Variants in TASOR2 observed in about 807,000 individuals in gnomAD.
The protein encoded by TASOR2 is transcription activation suppressor family member 2.
A neutral mutation model predicts 199.5 loss-of-function variants in TASOR2; 84 were observed. The ratio of observed to expected loss-of-function variants is 0.42; its 90% confidence interval spans 0.35 to 0.50. TASOR2 has a LOEUF of 0.50. TASOR2 is among the 20% of genes least tolerant of loss of function. The pLI is 0.02. For missense variants in TASOR2, 2,796 were observed against 2,835.9 expected, an observed-to-expected ratio of 0.99 and a Z score of 0.32; for synonymous variants, 1,103 against 1,046.6, an observed-to-expected ratio of 1.05 and a Z score of -1.04.
rs775039673 is a variant in TASOR2 at position 5,750,597 on chromosome 10, C to T, written c.6606+570C>T. ...CCCAGAATTTATTTCTCTTCTATTT[C>T]GGGCATAGACAGTATTTTTAAAAAT... On this transcript the variant is annotated intron_variant, in intron 15 of 20. Coordinates refer to ENST00000328090, the Ensembl canonical transcript of TASOR2. This position sits in a 1 kb window ranked among gnomAD's most constrained non-coding sequence, Gnocchi z 5.4. Among the ~76,000 whole-genome samples, 2 of 152,132 alleles carry T rather than the reference C, an allele frequency of 1.3e-5. No individual in the cohort carries two copies. The highest frequency in any genetic ancestry group is 1.9e-4 in the East Asian group (1 of 5,196).
intron 1 of TASOR2, among the ~76,000 whole-genome samples, chr10:5,708,484 A>G (rs1831422508): frequency 6.6e-6 from 1 of 151,432 alleles, no homozygotes; most frequent in African/African-American, 2.4e-5. Flanking sequence ...TTCTTTGCAG[A>G]TTTTTCTTCC....
rs755232582 is a variant in TASOR2, at chr10:5,748,632, A to G, written c.5211A>G (p.Ser1737=). 4 of 1,614,100 alleles carry G rather than the reference A, an allele frequency of 2.5e-6. No individual in the cohort carries two copies. In the African/African-American group the frequency reaches 5.3e-5, roughly 22 times the overall value. ...CCATCCACACGCTGCAAGATGTGTC[A>G]ACATGTGAAACAAAGGAGCTATTGA... is the stretch of plus-strand genomic sequence containing the variant. The change falls in exon 15 of 21, where the codon TCA becomes TCG. Residue 1737 remains serine, a synonymous_variant. Transcript: ENST00000328090. This position sits in a 1 kb window ranked among gnomAD's most constrained non-coding sequence, Gnocchi z 5.1.
chr10:5,756,673 C>T, exon 16 of TASOR2: 1 of 1,613,438 alleles, frequency 6.2e-7, no homozygotes. Flanking sequence ...TCAAGCTTTC[C>T]ACAGAGAGAA....
intron 19 of TASOR2, 190 bp downstream of exon 20, chr10:5,761,661 C>A: frequency 6.8e-6 from 4 of 586,832 alleles, no homozygotes; most frequent in South Asian, 6.3e-5. Context: ...ACTACACAAT[C>A]CTCCTATGTA....
exon 15 of TASOR2, chr10:5,749,268 T>A: frequency 6.2e-7 from 1 of 1,613,936 alleles, no homozygotes; most frequent in Non-Finnish European, 8.5e-7. Context: ...GGCACCCGAG[T>A]TTCAGTGCAA....
chr10:5,750,854 C>G lies in TASOR2; in HGVS notation c.6606+827C>G, dbSNP rs988568316. ...ATATAATATTAATTAAAGTGACCAT[C>G]TCCATTAACCTCATCTAGGTCTAGG... On this transcript the variant is annotated intron_variant, in intron 15 of 20. Coordinates refer to ENST00000328090, the Ensembl canonical transcript of TASOR2. This position sits in a 1 kb window ranked among gnomAD's most constrained non-coding sequence, Gnocchi z 5.4. Among the ~76,000 whole-genome samples, 1 of 152,234 alleles carries G rather than the reference C, an allele frequency of 6.6e-6. No individual in the cohort carries two copies. Among genetic ancestry groups the G allele is most frequent in the Non-Finnish European group, 1.5e-5 (1 of 68,040 alleles).
In TASOR2 at chr10:5,748,037, G is replaced by A; in HGVS notation, c.4616G>A (p.Ser1539Asn). 2 of 1,614,142 alleles carry A rather than the reference G, an allele frequency of 1.2e-6. No individual in the cohort carries two copies. Among genetic ancestry groups the A allele is most frequent in the Non-Finnish European group, 8.5e-7 (1 of 1,180,030 alleles). Residue 1539 changes from serine (S) to asparagine (N), a missense_variant, in exon 15 of 21, where the codon AGT becomes AAT. Ser to Asn is a conservative substitution (Grantham distance 46). Coordinates refer to ENST00000328090, the Ensembl canonical transcript of TASOR2. This position sits in a 1 kb window ranked among gnomAD's most constrained non-coding sequence, Gnocchi z 5.1. ...GCTGCCAAATGCACAGGTGACTTCA[G>A]TCCTTCTCCTGAAAAACTGGTAAAA...
In TASOR2 at chr10:5,740,750, A is replaced by G. The variant is rs537105216; in HGVS notation, c.2327+253A>G. Among the ~76,000 whole-genome samples, 151 of 152,338 alleles carry G rather than the reference A, an allele frequency of 9.9e-4. No homozygotes were observed. The highest frequency in any genetic ancestry group is 3.4e-3 in the African/African-American group (141 of 41,574). Reference sequence around the variant, plus strand: ...CTAATGAATAGCTTTCCATTTTGCAATGCTCCCTCGTAAGCCCTTGTGGCT... The same window carrying G: ...CTAATGAATAGCTTTCCATTTTGCAGTGCTCCCTCGTAAGCCCTTGTGGCT... On this transcript the variant is annotated intron_variant, in intron 13 of 20. Coordinates refer to ENST00000328090, the Ensembl canonical transcript of TASOR2. The surrounding 1 kb of genome is among the most constrained non-coding windows in gnomAD (Gnocchi z 5.3).
rs1354439227 is a variant in TASOR2 at position 5,737,531 on chromosome 10, C to T, written c.1447+1985C>T. Reference sequence around the variant, plus strand: ...ACCGTGCTCCTTCCCCTGCGGCCCTCTGTGCCTCCCCCAGGCAACCTCTGC... The same window carrying T: ...ACCGTGCTCCTTCCCCTGCGGCCCTTTGTGCCTCCCCCAGGCAACCTCTGC... On this transcript the variant is annotated intron_variant, in intron 12 of 20. Transcript: ENST00000328090. The surrounding 1 kb of genome is among the most constrained non-coding windows in gnomAD (Gnocchi z 4.9). Among the ~76,000 whole-genome samples the T allele has an allele frequency of 3.3e-5, 5 of 152,022 alleles. No homozygotes were observed. Among genetic ancestry groups the T allele is most frequent in the Non-Finnish European group, 7.4e-5 (5 of 68,012 alleles).
intron 11 of TASOR2, among the ~76,000 whole-genome samples, chr10:5,733,645 C>A (rs951612917): frequency 6.6e-6 from 1 of 152,100 alleles, no homozygotes; most frequent in African/African-American, 2.4e-5. Flanking sequence ...TTTCATTTTT[C>A]TTTTTTCTCC....
At chr10:5,729,820 CT>C (rs199646801) in intron 10 of TASOR2, among the ~76,000 whole-genome samples, 15 of 151,104 alleles carry the variant, frequency 9.9e-5, no homozygotes, top group African/African-American at 2.9e-4. Context: ...GACCTTTTCT[CT>C]TTTTTTTTCC....
chr10:5,695,061 G>A (rs1036161651), intron 1 of TASOR2, among the ~76,000 whole-genome samples: 4 of 152,142 alleles, frequency 2.6e-5, no homozygotes, highest in African/African-American at 4.8e-5. Flanking sequence ...TTTGGTATTC[G>A]CATCTGATTG....
chr10:5,717,244 A>G (rs539337018), intron 2 of TASOR2, among the ~76,000 whole-genome samples: 276 of 152,220 alleles, frequency 1.8e-3, no homozygotes, highest in Admixed American at 5.5e-3. Flanking sequence ...CTAGAACTGG[A>G]TAATTTTGTG....
chr10:5,692,162 A>AAAAAG (rs1227278735), intron 1 of TASOR2, among the ~76,000 whole-genome samples: 1 of 151,772 alleles, frequency 6.6e-6, no homozygotes, highest in Non-Finnish European at 1.5e-5. Context: ...AAAAAAAAAA[A>AAAAAG]AAGCCATATT....
exon 21 of TASOR2, chr10:5,763,210 T>C (rs1171662901): frequency 7.1e-6 from 4 of 560,964 alleles, no homozygotes; most frequent in Non-Finnish European, 1.2e-5. Context: ...ACAGTGGCAT[T>C]GCAGTTGTCT....
chr10:5,717,751 G>C lies in TASOR2; in HGVS notation c.-100+1G>C. 1 of 1,141,068 alleles carries C rather than the reference G, an allele frequency of 8.8e-7. No individual in the cohort carries two copies. Among genetic ancestry groups the C allele is most frequent in the Non-Finnish European group, 1.1e-6 (1 of 904,962 alleles). The allele number at this position is 1,141,068 out of a possible 1,614,324, so 70.7% of individuals were successfully genotyped here. ...TGTTGTAATTTTTAATATAATTAAG[G>C]TAAAGCTTAAATGTGCTGTTACGTG... is the stretch of plus-strand genomic sequence containing the variant. On this transcript the variant is annotated splice_donor_variant, in intron 3 of 20. Transcript: ENST00000328090. LOFTEE classifies it low-confidence loss of function (5UTR_SPLICE).
At position 5,761,479 on chromosome 10, in the gene TASOR2, A is replaced by C. The variant is rs754214199; in HGVS notation, c.7174+8A>C. On this transcript the variant is annotated splice_region_variant and intron_variant, in intron 19 of 20. Coordinates refer to ENST00000328090, the Ensembl canonical transcript of TASOR2. ...TTGCTGTCCTCCTAACAGGTAATTCACAGGCGCATTTTACTCAGTTAATGC... is the reference window on the plus strand; with the variant it reads ...TTGCTGTCCTCCTAACAGGTAATTCCCAGGCGCATTTTACTCAGTTAATGC... The C allele has an allele frequency of 1.1e-5, 17 of 1,608,254 alleles. No individual in the cohort carries two copies. Among genetic ancestry groups the C allele is most frequent in the Non-Finnish European group, 1.4e-5 (17 of 1,179,472 alleles).
chr10:5,762,531 G>GAAA lies in TASOR2; in HGVS notation c.7175_7176insAAA (p.Asp2392delinsGluAsn). ...AAGTTGTTTTTTTTTTTTTTTAACA[G>GAAA]ACAAGCCTACTATCCCCAGAGAAGT... On this transcript the variant is annotated protein_altering_variant and splice_region_variant. Coordinates refer to ENST00000328090, the Ensembl canonical transcript of TASOR2. 1 of 643,930 alleles carries GAAA rather than the reference G, an allele frequency of 1.6e-6. No homozygotes were observed. The allele number at this position is 643,930 out of a possible 1,614,324, so 39.9% of individuals were successfully genotyped here.
At position 5,730,863 on chromosome 10, in the gene TASOR2, T is replaced by C; in HGVS notation, c.864T>C (p.Pro288=). The change falls in exon 11 of 21, where the codon CCT becomes CCC. Residue 288 remains proline (P), a synonymous_variant. Transcript: ENST00000328090. The surrounding 1 kb of genome is among the most constrained non-coding windows in gnomAD (Gnocchi z 4.1). The stretch of plus-strand genomic sequence containing the variant: ...TGCTAGCAGAGCATCCTCAGTCTCC[T>C]TGTGTTTCAGACGGAATTTGTGATG... 6.2e-7 allele frequency: 1 copy of C among 1,614,238 alleles called. No homozygotes were observed. Among genetic ancestry groups the C allele is most frequent in the Non-Finnish European group, 8.5e-7 (1 of 1,180,040 alleles).
Sources: gnomAD v4.1 joint callset for allele counts (sites outside exome capture counted in the v4.1 genomes callset) on GRCh38, gnomAD v4.1.1 for gene constraint, Gnocchi (gnomAD v3.1) non-coding constraint, MANE v1.5 for transcripts, NCBI Gene and HGNC (gene_info 2026-07-23, HGNC 2026-07-21) for gene names.